The following TBC1D5 variants were observed in gnomAD, a reference collection of about 807,000 sequenced individuals.
The protein encoded by TBC1D5 is TBC1 domain family member 5, also known as TBC1 domain family, member 5.
In TBC1D5, 75 loss-of-function variants were observed where a neutral mutation model predicts 100.3. The observed-to-expected ratio is 0.75, with a 90% CI of 0.62 to 0.91. The LOEUF (loss-of-function observed/expected upper bound fraction) is 0.91. Ranked by LOEUF, TBC1D5 falls within the 40% of genes least tolerant of loss-of-function variation. The pLI, the probability that TBC1D5 is intolerant of heterozygous loss-of-function variation, is 0.00. For synonymous variants in TBC1D5, 323 were observed against 325.6 expected (o/e 0.99, Z 0.09); for missense variants, 910 against 942.4 (o/e 0.97, Z 0.45).
intron 8 of TBC1D5, among the ~76,000 whole-genome samples, chr3:17,400,490 G>A (rs1254263713): frequency 6.6e-6 from 1 of 152,068 alleles, no homozygotes; most frequent in Non-Finnish European, 1.5e-5. Context: ...AAATGACAAG[G>A]AGACTTAATC....
intron 15 of TBC1D5, among the ~76,000 whole-genome samples, chr3:17,262,981 C>A (rs1015401625): frequency 1.3e-5 from 2 of 151,874 alleles, no homozygotes; most frequent in Admixed American, 1.3e-4. Context: ...AATCCCAGAA[C>A]TTTGGGAGGC....
At chr3:17,277,295 C>T (rs574485615) in intron 15 of TBC1D5, among the ~76,000 whole-genome samples, 2 of 152,332 alleles carry the variant, frequency 1.3e-5, no homozygotes, top group South Asian at 4.1e-4. Flanking sequence ...CTCCAGTTCA[C>T]ACTATCACTC....
intron 2 of TBC1D5, among the ~76,000 whole-genome samples, chr3:17,536,769 G>C (rs943021705): frequency 6.6e-6 from 1 of 152,224 alleles, no homozygotes; most frequent in Non-Finnish European, 1.5e-5. Context: ...TGAAGGGAGG[G>C]AGGGGAGCTT....
At chr3:17,193,448 G>A (rs904693871) in intron 18 of TBC1D5, among the ~76,000 whole-genome samples, 10 of 152,262 alleles carry the variant, frequency 6.6e-5, no homozygotes, top group Middle Eastern at 3.4e-3. Flanking sequence ...TCAGGTGTTG[G>A]CAGGTTAAAA....
At chr3:17,597,003 C>T (rs1254347602) in intron 2 of TBC1D5, among the ~76,000 whole-genome samples, 1 of 152,138 alleles carries the variant, frequency 6.6e-6, no homozygotes, top group Non-Finnish European at 1.5e-5. Flanking sequence ...AATTATAAAA[C>T]TCTAAACTTT....
chr3:17,449,392 A>T (rs748137194), intron 3 of TBC1D5, among the ~76,000 whole-genome samples: 19 of 151,866 alleles, frequency 1.3e-4, no homozygotes, highest in Non-Finnish European at 2.4e-4. Flanking sequence ...AGAATTGTTC[A>T]CTCCCGTGGA....
chr3:17,602,549 C>T (rs1215226130), intron 2 of TBC1D5, among the ~76,000 whole-genome samples: 2 of 140,432 alleles, frequency 1.4e-5, no homozygotes, highest in Non-Finnish European at 3.0e-5. Context: ...TGCCATAATA[C>T]GAGAGAATCA....
chr3:17,531,374 AG>A (rs1239832977), intron 2 of TBC1D5, among the ~76,000 whole-genome samples: 1 of 152,226 alleles, frequency 6.6e-6, no homozygotes, highest in Non-Finnish European at 1.5e-5. Flanking sequence ...GCTCATGGGT[AG>A]GAAGAATCAA....
intron 1 of TBC1D5, among the ~76,000 whole-genome samples, chr3:17,639,072 T>C (rs1003097744): frequency 6.6e-6 from 1 of 152,158 alleles, no homozygotes; most frequent in African/African-American, 2.4e-5. Context: ...ACAAATATTC[T>C]TAGCAGATTT....
chr3:17,473,218 C>T (rs779676059), intron 3 of TBC1D5, among the ~76,000 whole-genome samples: 1 of 152,110 alleles, frequency 6.6e-6, no homozygotes, highest in Non-Finnish European at 1.5e-5. Context: ...TGAGACCAGC[C>T]TGGGCAACAT....
Position 17,364,504 on chromosome 3 carries a change from CTGTT to C in TBC1D5, c.995+7567_995+7570del, listed in dbSNP as rs1413484347. Reference sequence around the variant, plus strand: ...TTTTATGACTATACAAGGCTATTCTCTGTTTCTTTCAATGCTTTTCTTTGAAGTA... The same window carrying C: ...TTTTATGACTATACAAGGCTATTCTCTCTTTCAATGCTTTTCTTTGAAGTA... On this transcript the variant is annotated intron_variant, in intron 13 of 21. Coordinates refer to ENST00000253692, the Ensembl canonical transcript of TBC1D5. Among the ~76,000 whole-genome samples the C allele has an allele frequency of 2.6e-5, 4 of 152,168 alleles. 1 individual carries two copies. Among genetic ancestry groups the C allele is most frequent in the Admixed American group, 2.6e-4 (4 of 15,278 alleles).
At chr3:17,500,164 G>A (rs2095767051) in intron 3 of TBC1D5, among the ~76,000 whole-genome samples, 1 of 149,292 alleles carries the variant, frequency 6.7e-6, no homozygotes, top group Non-Finnish European at 1.5e-5. Context: ...CTGTAAAGTA[G>A]CCTATCTCCC....
intron 3 of TBC1D5, among the ~76,000 whole-genome samples, chr3:17,499,132 G>C (rs2095752267): frequency 6.6e-6 from 1 of 152,088 alleles, no homozygotes; most frequent in Non-Finnish European, 1.5e-5. Flanking sequence ...CTCTAATTGA[G>C]TGATATCAAA....
chr3:17,489,462 T>G (rs776706863), intron 3 of TBC1D5, among the ~76,000 whole-genome samples: 6 of 152,120 alleles, frequency 3.9e-5, no homozygotes, highest in Non-Finnish European at 8.8e-5. Context: ...ATTCTTCAAT[T>G]TTCTTGTATT....
chr3:17,417,894 T>C (rs1239855893), intron 4 of TBC1D5, among the ~76,000 whole-genome samples: 1 of 150,826 alleles, frequency 6.6e-6, no homozygotes, highest in African/African-American at 2.5e-5. Flanking sequence ...TTTTTTTTAA[T>C]TGGAATGAGG....
At chr3:17,664,557 G>A (rs1167939367) in intron 1 of TBC1D5, among the ~76,000 whole-genome samples, 1 of 152,158 alleles carries the variant, frequency 6.6e-6, no homozygotes, top group Non-Finnish European at 1.5e-5. Flanking sequence ...CACTTCTTTT[G>A]CATTCTGATG....
chr3:17,683,875 T>G (rs77143288), intron 1 of TBC1D5, among the ~76,000 whole-genome samples: 2 of 152,316 alleles, frequency 1.3e-5, no homozygotes, highest in East Asian at 3.9e-4. Context: ...ATTATAAAAG[T>G]CTACATTAAT....
chr3:17,206,850 G>A (rs936670062), intron 18 of TBC1D5, among the ~76,000 whole-genome samples: 2 of 152,156 alleles, frequency 1.3e-5, no homozygotes, highest in African/African-American at 4.8e-5. Flanking sequence ...CAGTTTATCA[G>A]GAAATTTACA....
chr3:17,483,921 TA>T (rs2095529509), intron 3 of TBC1D5, among the ~76,000 whole-genome samples: 1 of 152,194 alleles, frequency 6.6e-6, no homozygotes, highest in African/African-American at 2.4e-5. Flanking sequence ...ATTTAGTTCT[TA>T]AAATTGGCTA....
Sources: allele counts gnomAD v4.1 joint callset (sites outside exome capture counted in the v4.1 genomes callset), GRCh38; gene constraint gnomAD v4.1.1; transcripts MANE v1.5; gene names NCBI Gene and HGNC (gene_info 2026-07-23, HGNC 2026-07-21).